Variants in B4GALT2 observed in about 807,000 individuals in gnomAD.
B4GALT2 encodes the protein N-acetyllactosamine synthase.
B4GALT2 carries 18 observed loss-of-function variants against 33.2 expected under a neutral mutation model. That is an observed-to-expected ratio of 0.54 (90% CI 0.38 to 0.80). The LOEUF is 0.80. B4GALT2 is among the 30% of genes least tolerant of loss of function. The probability of loss-of-function intolerance (pLI) is 0.00; values close to 1 mark genes in which losing one functional copy is unlikely to be tolerated. For missense variants in B4GALT2, 404 were observed against 526.2 expected, an observed-to-expected ratio of 0.77 and a Z score of 2.27; for synonymous variants, 214 against 217.6, an observed-to-expected ratio of 0.98 and a Z score of 0.15.
rs1421768179 is a variant in B4GALT2 at position 43,990,327 on chromosome 1, C to T, written c.998C>T (p.Thr333Ile). The T allele has an allele frequency of 6.2e-7, 1 of 1,614,192 alleles. No homozygotes were observed. Among genetic ancestry groups the T allele is most frequent in the Admixed American group, 1.7e-5 (1 of 60,024 alleles). ...RFTKIQNTKL[T>I]MKRDGIGSVR... ...ACCAAGATTCAAAACACGAAGCTGACCATGAAGCGGGACGGCATTGGGTCA... is the reference window on the plus strand; with the variant it reads ...ACCAAGATTCAAAACACGAAGCTGATCATGAAGCGGGACGGCATTGGGTCA... The change falls in exon 7 of 7, where the codon ACC becomes ATC. Residue 333 changes from threonine to isoleucine, a missense_variant. Coordinates refer to ENST00000372324, the MANE Select transcript of B4GALT2 (RefSeq NM_003780.5).
Position 43,985,058 on chromosome 1 carries a change from G to A in B4GALT2, c.740+3G>A. On this transcript the variant is annotated splice_donor_region_variant and intron_variant, in intron 4 of 6. Coordinates refer to ENST00000372324, the MANE Select transcript of B4GALT2 (RefSeq NM_003780.5). ...GCCATGGACAAGTTTGGCTTCCGGT[G>A]AGGGCTCTCTTCTCAGCTGGACCCA... 1 of 1,613,440 alleles carries A rather than the reference G, an allele frequency of 6.2e-7. No individual in the cohort carries two copies. The highest frequency in any genetic ancestry group is 1.1e-5 in the South Asian group (1 of 91,078).
At position 43,979,825 on chromosome 1, in the gene B4GALT2, C is replaced by A. The variant is rs942509091; in HGVS notation, c.-53+314C>A. On this transcript the variant is annotated intron_variant, in intron 1 of 6. Coordinates refer to ENST00000372324, the MANE Select transcript of B4GALT2 (RefSeq NM_003780.5). This position sits in a 1 kb window ranked among gnomAD's most constrained non-coding sequence, Gnocchi z 4.8. ...TGCCCTCCACCCACTCCCCCTGCCC[C>A]CAGGCTCCACACCCACCCGGTCTGT... 10 of 602,832 alleles carry A rather than the reference C, an allele frequency of 1.7e-5. No homozygotes were observed. In the African/African-American group the frequency reaches 1.9e-4, roughly 12 times the overall value. 37.3% of individuals were successfully genotyped at this position (602,832 alleles called of 1,614,324 possible). A position where few individuals can be genotyped will look rare whatever the true frequency, so the allele number is the denominator to read the frequency against.
In B4GALT2 at chr1:43,979,363, G is replaced by GGCC. The variant is rs1378180756; in HGVS notation, c.-200_-199insCCG. On this transcript the variant is annotated 5_prime_UTR_variant, in exon 1 of 7. Coordinates refer to ENST00000372324, the MANE Select transcript of B4GALT2 (RefSeq NM_003780.5). The surrounding 1 kb of genome is among the most constrained non-coding windows in gnomAD (Gnocchi z 4.8). ...CGGCGGCGGCGGCGGCGGCGGCGGC[G>GGCC]GGAGGCGACCCGGGGGCCGCGGTGG... 6.8e-6 allele frequency: 1 copy of GGCC among 147,416 alleles called. No homozygotes were observed. The highest frequency in any genetic ancestry group is 1.5e-5 in the Non-Finnish European group (1 of 66,654). 9.1% of individuals were successfully genotyped at this position (147,416 alleles called of 1,614,324 possible).
chr1:43,987,456 T>G (rs1200948377), intron 6 of B4GALT2, among the ~76,000 whole-genome samples: 1 of 152,144 alleles, frequency 6.6e-6, no homozygotes, highest in Non-Finnish European at 1.5e-5. Flanking sequence ...AACTGTGAAC[T>G]CTCTCTACCT....
intron 3 of B4GALT2, among the ~76,000 whole-genome samples, chr1:43,983,808 A>T (rs1263867538): frequency 6.6e-6 from 1 of 152,110 alleles, no homozygotes; most frequent in African/African-American, 2.4e-5. Flanking sequence ...TGGTCTCTCC[A>T]AGGGCTGGGG....
chr1:43,981,312 C>T lies in B4GALT2; in HGVS notation c.152C>T (p.Ala51Val), dbSNP rs1175334097. Residue 51 changes from alanine to valine, a missense_variant, in exon 2 of 7, where the codon GCC becomes GTC. Physicochemically the swap from Ala to Val is moderately conservative, Grantham distance 64. Coordinates refer to ENST00000372324, the MANE Select transcript of B4GALT2 (RefSeq NM_003780.5). The surrounding 1 kb of genome is among the most constrained non-coding windows in gnomAD (Gnocchi z 8.1). Reference sequence around the variant, plus strand: ...AGCCGCTTCAGTGCCCGAGGCCCTGCCCATGCCCTCCACCCAGCTGCTAGC... The same window carrying T: ...AGCCGCTTCAGTGCCCGAGGCCCTGTCCATGCCCTCCACCCAGCTGCTAGC... Reference protein sequence around the residue: ...FFSRFSARGPAHALHPAASSS... With the variant: ...FFSRFSARGPVHALHPAASSS... 7.5e-6 allele frequency: 12 copies of T among 1,603,388 alleles called. No homozygotes were observed. The African/African-American group carries it at 1.5e-4, about 20-fold the overall frequency.
intron 1 of B4GALT2, chr1:43,980,339 C>A: frequency 5.8e-6 from 2 of 344,062 alleles, no homozygotes; most frequent in Non-Finnish European, 1.0e-5. Flanking sequence ...TGGGCAGGAC[C>A]CAGAGTCTTG....
rs769937432 is a variant in B4GALT2 at position 43,990,460 on chromosome 1, A to G, written c.*12A>G. ...CCCCTCGGGGCTGACACTAATGGAC[A>G]GAGGCTCTCGGTGCCGAAGATTGCC... On this transcript the variant is annotated 3_prime_UTR_variant, in exon 7 of 7. Transcript: ENST00000372324. The G allele has an allele frequency of 1.9e-6, 3 of 1,613,902 alleles. No homozygotes were observed. Among genetic ancestry groups the G allele is most frequent in the Non-Finnish European group, 2.5e-6 (3 of 1,179,954 alleles).
chr1:43,983,027 G>C (rs2085617452), intron 3 of B4GALT2, among the ~76,000 whole-genome samples: 1 of 152,200 alleles, frequency 6.6e-6, no homozygotes. Flanking sequence ...TTTCCGCCTT[G>C]GCTGTTGGCT....
At chr1:43,989,610 G>A (rs1394330243) in intron 6 of B4GALT2, among the ~76,000 whole-genome samples, 2 of 152,216 alleles carry the variant, frequency 1.3e-5, no homozygotes, top group African/African-American at 4.8e-5. Flanking sequence ...TCACCTTGGG[G>A]TGGAGACTTA....
Position 43,990,489 on chromosome 1 carries a change from C to T in B4GALT2, c.*41C>T. 6.2e-7 allele frequency: 1 copy of T among 1,611,812 alleles called. No homozygotes were observed. Among genetic ancestry groups the T allele is most frequent in the Non-Finnish European group, 8.5e-7 (1 of 1,179,146 alleles). On this transcript the variant is annotated 3_prime_UTR_variant, in exon 7 of 7. Coordinates refer to ENST00000372324, the MANE Select transcript of B4GALT2 (RefSeq NM_003780.5). ...GCTCTCGGTGCCGAAGATTGCCTGC[C>T]AGAGGACTGACCACAGCCTGGCTGG...
rs1170783235 is a variant in B4GALT2, at chr1:43,979,281, T to TCTGCCCGG, written c.-281_-274dup. 1 of 144,846 alleles carries TCTGCCCGG rather than the reference T, an allele frequency of 6.9e-6. No individual in the cohort carries two copies. Among genetic ancestry groups the TCTGCCCGG allele is most frequent in the Admixed American group, 6.9e-5 (1 of 14,598 alleles). The allele number at this position is 144,846 out of a possible 1,614,324, so 9.0% of individuals were successfully genotyped here. A position where few individuals can be genotyped will look rare whatever the true frequency, so the allele number is the denominator to read the frequency against. On this transcript the variant is annotated 5_prime_UTR_variant, in exon 1 of 7. Transcript: ENST00000372324. The surrounding 1 kb of genome is among the most constrained non-coding windows in gnomAD (Gnocchi z 4.8). ...GTCCGTGGGTCCGCCGGTCCGTGGG[T>TCTGCCCGG]CTGCCCGGCCGCCCGGCCCCGCCCT...
At position 43,982,011 on chromosome 1, in the gene B4GALT2, T is replaced by C; in HGVS notation, c.549+87T>C. The C allele has an allele frequency of 7.5e-7, 1 of 1,331,824 alleles. No homozygotes were observed. Among genetic ancestry groups the C allele is most frequent in the Non-Finnish European group, 1.0e-6 (1 of 952,616 alleles). The allele number at this position is 1,331,824 out of a possible 1,614,324, so 82.5% of individuals were successfully genotyped here. On this transcript the variant is annotated intron_variant, in intron 3 of 6. Transcript: ENST00000372324. This position sits in a 1 kb window ranked among gnomAD's most constrained non-coding sequence, Gnocchi z 4.3. ...GTCCTTGTCTGCCCGTGTGGATATG[T>C]GGATGGACCTGGGCGTGGGTAGTCG...
In B4GALT2 at chr1:43,981,373, C is replaced by T. The variant is rs200716449; in HGVS notation, c.213C>T (p.Asn71=). 2.1e-5 allele frequency: 34 copies of T among 1,598,926 alleles called. No individual in the cohort carries two copies. The highest frequency in any genetic ancestry group is 1.7e-4 in the Middle Eastern group (1 of 6,052). Residue 71 remains asparagine, a synonymous_variant, in exon 2 of 7, where the codon AAC becomes AAT. Transcript: ENST00000372324. The surrounding 1 kb of genome is among the most constrained non-coding windows in gnomAD (Gnocchi z 8.1). ...SSSSSNCSRP[N]ATASSSGLPE... ...GCAGCAGCAACTGCTCCCGGCCCAA[C>T]GCCACCGCCTCTAGCTCCGGGCTCC...
intron 6 of B4GALT2, among the ~76,000 whole-genome samples, chr1:43,987,642 C>T (rs2085673370): frequency 6.6e-6 from 1 of 152,208 alleles, no homozygotes; most frequent in Non-Finnish European, 1.5e-5. Flanking sequence ...TGGACTACTG[C>T]AGTGGCCTCC....
At chr1:43,987,549 A>C (rs1430935406) in intron 6 of B4GALT2, among the ~76,000 whole-genome samples, 3 of 152,008 alleles carry the variant, frequency 2.0e-5, no homozygotes, top group Non-Finnish European at 4.4e-5. Context: ...GAGTAATATC[A>C]CTGCCACCCC....
At position 43,984,772 on chromosome 1, in the gene B4GALT2, G is replaced by A; in HGVS notation, c.550-93G>A. 4 of 1,331,496 alleles carry A rather than the reference G, an allele frequency of 3.0e-6. No homozygotes were observed. Among genetic ancestry groups the A allele is most frequent in the Non-Finnish European group, 4.1e-6 (4 of 965,282 alleles). 82.5% of individuals were successfully genotyped at this position (1,331,496 alleles called of 1,614,324 possible). A position where few individuals can be genotyped will look rare whatever the true frequency, so the allele number is the denominator to read the frequency against. On this transcript the variant is annotated intron_variant, in intron 3 of 6. Coordinates refer to ENST00000372324, the MANE Select transcript of B4GALT2 (RefSeq NM_003780.5). The surrounding 1 kb of genome is among the most constrained non-coding windows in gnomAD (Gnocchi z 5.6). ...GGAGGAGCCATGCAGCGAGGGGGCTGGTAGATCCCCAGAGACTGCTCTGGA... is the reference window on the plus strand; with the variant it reads ...GGAGGAGCCATGCAGCGAGGGGGCTAGTAGATCCCCAGAGACTGCTCTGGA...
chr1:43,981,567 T>TCCAG lies in B4GALT2; in HGVS notation c.313+95_313+98dup, dbSNP rs2085597255. On this transcript the variant is annotated intron_variant, in intron 2 of 6. Transcript: ENST00000372324. The surrounding 1 kb of genome is among the most constrained non-coding windows in gnomAD (Gnocchi z 8.1). ...TCTGGACCCAGGGGTGTGCCAGGGG[T>TCCAG]CCAGGTCTGTTGTAAGAGGGCTATT... is the stretch of plus-strand genomic sequence containing the variant. 1 of 1,523,884 alleles carries TCCAG rather than the reference T, an allele frequency of 6.6e-7. No individual in the cohort carries two copies. The highest frequency in any genetic ancestry group is 1.3e-5 in the South Asian group (1 of 77,670). 94.4% of individuals were successfully genotyped at this position (1,523,884 alleles called of 1,614,324 possible).
In B4GALT2 at chr1:43,981,101, C is replaced by T; in HGVS notation, c.-52-8C>T. The T allele has an allele frequency of 6.4e-7, 1 of 1,567,002 alleles. No individual in the cohort carries two copies. Among genetic ancestry groups the T allele is most frequent in the Non-Finnish European group, 8.6e-7 (1 of 1,162,594 alleles). ...CTGCTGGATCTGTTTCCCTCCCACC[C>T]TGCTCAGGCCAGCAGCCGGATGCCC... On this transcript the variant is annotated splice_region_variant and splice_polypyrimidine_tract_variant and intron_variant, in intron 1 of 6. Transcript: ENST00000372324. This position sits in a 1 kb window ranked among gnomAD's most constrained non-coding sequence, Gnocchi z 8.1.
Sources: allele counts gnomAD v4.1 joint callset (sites outside exome capture counted in the v4.1 genomes callset), GRCh38; gene constraint gnomAD v4.1.1; non-coding constraint Gnocchi (gnomAD v3.1); transcripts MANE v1.5; gene names NCBI Gene and HGNC (gene_info 2026-07-23, HGNC 2026-07-21).